CADM2: variants seen among roughly 807,000 people sequenced by gnomAD.
CADM2 encodes immunoglobulin superfamily member 4D.
In CADM2, 12 loss-of-function variants were observed where a neutral mutation model predicts 49.8. That is an observed-to-expected ratio of 0.24 (90% CI 0.15 to 0.39). The LOEUF is 0.39. Ranked by LOEUF, CADM2 falls within the 10% of genes least tolerant of loss-of-function variation. The probability of loss-of-function intolerance (pLI) is 1.00; values close to 1 mark genes in which losing one functional copy is unlikely to be tolerated. For synonymous variants in CADM2, 214 were observed against 175.4 expected (o/e 1.22, Z -1.74); for missense variants, 378 against 492.3 (o/e 0.77, Z 2.20).
intron 1 of CADM2, among the ~76,000 whole-genome samples, chr3:85,144,328 G>C (rs191679112): frequency 6.6e-6 from 1 of 151,776 alleles, no homozygotes; most frequent in Admixed American, 6.6e-5. Context: ...AACAAGATTT[G>C]TGCTGGGCGC....
At chr3:85,394,214 A>G (rs2034660844) in intron 1 of CADM2, among the ~76,000 whole-genome samples, 1 of 152,222 alleles carries the variant, frequency 6.6e-6, no homozygotes, top group African/African-American at 2.4e-5. Flanking sequence ...TATAGTTGAT[A>G]TATCTTCCAT....
At chr3:85,201,216 T>C (rs2041492043) in intron 1 of CADM2, among the ~76,000 whole-genome samples, 1 of 152,182 alleles carries the variant, frequency 6.6e-6, no homozygotes, top group Non-Finnish European at 1.5e-5. Flanking sequence ...ACATGTTTGT[T>C]CCAGATCACC....
chr3:85,725,634 A>C (rs190399460), intron 1 of CADM2, among the ~76,000 whole-genome samples: 39 of 152,118 alleles, frequency 2.6e-4, no homozygotes, highest in Admixed American at 3.3e-4. Flanking sequence ...ACTGTCCTGT[A>C]GGACTGTTCT....
rs370953703 is a variant in CADM2, at chr3:85,319,768, A to G, written c.61+360100A>G. On this transcript the variant is annotated intron_variant, in intron 1 of 9. Transcript: ENST00000383699. ...AGGGGAACAACAGACACTGTGGCCT[A>G]CTTGAGAGTGGAGGGGGACAGGAGG... 7.2e-5 allele frequency among the ~76,000 whole-genome samples: 11 copies of G among 152,252 alleles called. No homozygotes were observed. The East Asian group carries it at 1.7e-3, about 24-fold the overall frequency.
intron 1 of CADM2, among the ~76,000 whole-genome samples, chr3:85,558,872 T>C (rs989939606): frequency 1.3e-5 from 2 of 152,060 alleles, no homozygotes; most frequent in Non-Finnish European, 2.9e-5. Context: ...AATTTTAATT[T>C]TATCAAAATA....
chr3:85,973,077 A>T (rs896969133), intron 8 of CADM2, among the ~76,000 whole-genome samples: 7 of 151,868 alleles, frequency 4.6e-5, no homozygotes, highest in African/African-American at 1.7e-4. Flanking sequence ...CATCTCACAC[A>T]TGATAAAAGG....
At chr3:85,212,453 A>G (rs2041801224) in intron 1 of CADM2, among the ~76,000 whole-genome samples, 1 of 151,780 alleles carries the variant, frequency 6.6e-6, no homozygotes, top group African/African-American at 2.4e-5. Context: ...ATGTTTTTAG[A>G]TTTCAGGTTA....
intron 1 of CADM2, among the ~76,000 whole-genome samples, chr3:85,054,116 G>T (rs934805799): frequency 3.3e-5 from 5 of 151,916 alleles, no homozygotes; most frequent in African/African-American, 1.2e-4. Context: ...TATAATAAAG[G>T]TTCTTTGAAT....
At chr3:85,386,250 T>C (rs2034223913) in intron 1 of CADM2, among the ~76,000 whole-genome samples, 1 of 152,142 alleles carries the variant, frequency 6.6e-6, no homozygotes, top group African/African-American at 2.4e-5. Context: ...TTGAGAGATA[T>C]GCACTTAGTT....
chr3:85,460,790 C>T (rs2038210317), intron 1 of CADM2, among the ~76,000 whole-genome samples: 1 of 150,894 alleles, frequency 6.6e-6, no homozygotes, highest in Admixed American at 6.6e-5. Flanking sequence ...ATTCCCATTC[C>T]CTTGAAAGGT....
Position 85,935,785 on chromosome 3 carries a change from T to A in CADM2, c.719T>A (p.Ile240Asn). ...TTTCTAGATACACCATCAGTTAAGA[T>A]TATACCATCGACTCCTTTTCCACAA... is the stretch of plus-strand genomic sequence containing the variant. ...LEIHYTPSVKIIPSTPFPQEG... is the reference protein window; with the variant it reads ...LEIHYTPSVKNIPSTPFPQEG... The change falls in exon 7 of 10, where the codon ATT (isoleucine) becomes AAT (asparagine). Residue 240 changes from isoleucine to asparagine, a missense_variant. By Grantham distance (149) the Ile-to-Asn change is moderately radical (BLOSUM62 -3). Coordinates refer to ENST00000383699, the MANE Select transcript of CADM2 (RefSeq NM_001167675.2). 1 of 1,602,980 alleles carries A rather than the reference T, an allele frequency of 6.2e-7. No homozygotes were observed. The highest frequency in any genetic ancestry group is 1.7e-5 in the Admixed American group (1 of 59,554).
intron 1 of CADM2, among the ~76,000 whole-genome samples, chr3:85,392,319 T>C (rs1366297795): frequency 6.6e-6 from 1 of 152,120 alleles, no homozygotes; most frequent in South Asian, 2.1e-4. Flanking sequence ...GACTTGAGGC[T>C]TTTCTATCAA....
In CADM2 at chr3:85,614,379, C is replaced by CAT. The variant is rs529464200; in HGVS notation, c.62-112135_62-112134dup. 4.7e-3 allele frequency among the ~76,000 whole-genome samples: 706 copies of CAT among 151,370 alleles called. 6 individuals are homozygous for CAT. Among genetic ancestry groups the CAT allele is most frequent in the African/African-American group, 0.016 (670 of 41,294 alleles). The stretch of plus-strand genomic sequence containing the variant: ...TAGTTTTGTAGTGAATATATATACA[C>CAT]ATATATATACTAGTTAAAATAAGTA... On this transcript the variant is annotated intron_variant, in intron 1 of 9. Transcript: ENST00000383699.
intron 1 of CADM2, among the ~76,000 whole-genome samples, chr3:85,568,507 C>CTTTCTT (rs2062378000): frequency 7.3e-6 from 1 of 136,384 alleles, no homozygotes; most frequent in African/African-American, 2.8e-5. Context: ...TTCTTTCTTT[C>CTTTCTT]TTTCTTTCCT....
At chr3:85,574,868 C>A (rs1346555249) in intron 1 of CADM2, among the ~76,000 whole-genome samples, 1 of 152,162 alleles carries the variant, frequency 6.6e-6, no homozygotes, top group Non-Finnish European at 1.5e-5. Flanking sequence ...AGCAAACTCT[C>A]TGGTCACAGC....
At chr3:85,065,685 A>T (rs972891700) in intron 1 of CADM2, among the ~76,000 whole-genome samples, 3 of 152,132 alleles carry the variant, frequency 2.0e-5, no homozygotes, top group African/African-American at 2.4e-5. Flanking sequence ...TTCTTTTATT[A>T]CTCATCCTTC....
At chr3:85,134,141 G>T (rs889169645) in intron 1 of CADM2, among the ~76,000 whole-genome samples, 20 of 152,216 alleles carry the variant, frequency 1.3e-4, no homozygotes, top group Non-Finnish European at 2.8e-4. Flanking sequence ...CGCAGGGCCG[G>T]CCGGCTGCTC....
chr3:85,023,316 G>C (rs1169698002), intron 1 of CADM2, among the ~76,000 whole-genome samples: 3 of 152,042 alleles, frequency 2.0e-5, no homozygotes, highest in Admixed American at 6.5e-5. Flanking sequence ...AGTAGGGCTG[G>C]TTTGCAGGGT....
intron 1 of CADM2, among the ~76,000 whole-genome samples, chr3:85,496,647 G>T (rs2039913299): frequency 6.6e-6 from 1 of 152,084 alleles, no homozygotes; most frequent in Admixed American, 6.6e-5. Flanking sequence ...GAACTAATTT[G>T]CAGTCCCACC....
Sources: gnomAD v4.1 joint callset for allele counts (sites outside exome capture counted in the v4.1 genomes callset) on GRCh38, gnomAD v4.1.1 for gene constraint, MANE v1.5 for transcripts, NCBI Gene and HGNC (gene_info 2026-07-23, HGNC 2026-07-21) for gene names.